The following STK32A variants were observed in gnomAD, a reference collection of about 807,000 sequenced individuals.
STK32A encodes the protein serine/threonine kinase 32A, also known as serine/threonine-protein kinase 32A.
In STK32A, 41 loss-of-function variants were observed where a neutral mutation model predicts 53.2. The ratio of observed to expected loss-of-function variants is 0.77; its 90% CI spans 0.60 to 1.00. The LOEUF is 1.00. Ranked by LOEUF, STK32A falls within the 50% of genes least tolerant of loss-of-function variation. The pLI is 0.00. For synonymous variants in STK32A, 166 were observed against 162.8 expected (o/e 1.02, Z -0.15); for missense variants, 458 against 485.8 (o/e 0.94, Z 0.54).
At chr5:147,254,905 A>C (rs374957787) in intron 2 of STK32A, among the ~76,000 whole-genome samples, 10 of 152,194 alleles carry the variant, frequency 6.6e-5, no homozygotes, top group East Asian at 1.9e-4. Flanking sequence ...TTTGGGAGGC[A>C]GAGGTGGGCG....
At chr5:147,382,205 T>C (rs1757479228) in intron 11 of STK32A, among the ~76,000 whole-genome samples, 1 of 152,222 alleles carries the variant, frequency 6.6e-6, no homozygotes, top group Non-Finnish European at 1.5e-5. Flanking sequence ...CCTGCTCAAT[T>C]TTGCCGTTGA....
intron 4 of STK32A, among the ~76,000 whole-genome samples, chr5:147,321,183 G>A (rs1754296727): frequency 6.6e-6 from 1 of 152,200 alleles, no homozygotes; most frequent in Admixed American, 6.5e-5. Context: ...TAACAAATAA[G>A]TAAGCCATGA....
At chr5:147,315,595 A>ATT (rs1753954514) in intron 4 of STK32A, among the ~76,000 whole-genome samples, 1 of 152,234 alleles carries the variant, frequency 6.6e-6, no homozygotes, top group Admixed American at 6.5e-5. Flanking sequence ...AGTTATTATT[A>ATT]AATGGGTATA....
chr5:147,243,673 G>A (rs1232607637), intron 2 of STK32A, among the ~76,000 whole-genome samples: 2 of 147,360 alleles, frequency 1.4e-5, no homozygotes, highest in Non-Finnish European at 3.0e-5. Flanking sequence ...CCTGGGAGGT[G>A]AAGTTTGCAG....
At chr5:147,311,337 T>C (rs1206341407) in intron 4 of STK32A, among the ~76,000 whole-genome samples, 1 of 152,192 alleles carries the variant, frequency 6.6e-6, no homozygotes, top group Admixed American at 6.5e-5. Context: ...AGTCCTTTAT[T>C]CTCAGCACCT....
chr5:147,295,600 GTTTCC>G (rs1752831064), intron 4 of STK32A, among the ~76,000 whole-genome samples: 1 of 152,174 alleles, frequency 6.6e-6, no homozygotes, highest in South Asian at 2.1e-4. Flanking sequence ...ATATTTAAGT[GTTTCC>G]TTTCTCTTTT....
At chr5:147,270,175 T>C (rs72823814) in intron 2 of STK32A, among the ~76,000 whole-genome samples, 1 of 152,102 alleles carries the variant, frequency 6.6e-6, no homozygotes, top group East Asian at 1.9e-4. Context: ...CAAGAAAAGA[T>C]TGATACATTT....
chr5:147,345,702 C>T (rs1755651759), intron 6 of STK32A, among the ~76,000 whole-genome samples: 1 of 151,980 alleles, frequency 6.6e-6, no homozygotes, highest in African/African-American at 2.4e-5. Context: ...ACATTTTATT[C>T]TTGGTGGAGC....
chr5:147,370,328 A>C (rs1450164676), intron 8 of STK32A, among the ~76,000 whole-genome samples: 2 of 152,192 alleles, frequency 1.3e-5, no homozygotes, highest in Admixed American at 1.3e-4. Context: ...ATACTTATAT[A>C]ATACCTTATA....
intron 2 of STK32A, among the ~76,000 whole-genome samples, chr5:147,250,276 G>A (rs545783913): frequency 2.3e-4 from 35 of 152,252 alleles, no homozygotes; most frequent in African/African-American, 8.2e-4. Context: ...AGCTGGAGTA[G>A]AGTATCCAGC....
intron 2 of STK32A, among the ~76,000 whole-genome samples, chr5:147,255,716 C>T (rs948851710): frequency 9.9e-5 from 15 of 152,186 alleles, no homozygotes; most frequent in Admixed American, 1.3e-4. Flanking sequence ...AGCCATCTGG[C>T]TAGTAGCCCC....
At position 147,386,812 on chromosome 5, in the gene STK32A, C is replaced by G. The variant is rs1005462944; in HGVS notation, c.*2829C>G. 6.6e-6 allele frequency: 1 copy of G among 152,252 alleles called. No homozygotes were observed. The highest frequency in any genetic ancestry group is 1.5e-5 in the Non-Finnish European group (1 of 68,052). 9.4% of individuals were successfully genotyped at this position (152,252 alleles called of 1,614,324 possible). A position where few individuals can be genotyped will look rare whatever the true frequency, so the allele number is the denominator to read the frequency against. ...TGCTGATTGTAATCACCTCCCACCA[C>G]TGTGCATTTTAAACATGAGAACAAA... is the stretch of plus-strand genomic sequence containing the variant. On this transcript the variant is annotated 3_prime_UTR_variant, in exon 13 of 13. Coordinates refer to ENST00000397936, the MANE Select transcript of STK32A (RefSeq NM_001112724.2).
intron 4 of STK32A, among the ~76,000 whole-genome samples, chr5:147,309,233 A>T (rs551034879): frequency 1.3e-5 from 2 of 152,102 alleles, no homozygotes; most frequent in Non-Finnish European, 1.5e-5. Context: ...TGAAGTCTGT[A>T]TGTGTGTGAG....
At chr5:147,340,948 T>A (rs1237168776) in intron 5 of STK32A, among the ~76,000 whole-genome samples, 2 of 152,196 alleles carry the variant, frequency 1.3e-5, no homozygotes, top group Non-Finnish European at 2.9e-5. Context: ...AACTAATTGT[T>A]CCCTCTCTGA....
chr5:147,235,280 GGAGAA>G (rs1753263654), intron 1 of STK32A, 81 bp downstream of exon 1: 1 of 152,394 alleles, frequency 6.6e-6, no homozygotes, highest in Non-Finnish European at 1.5e-5. Context: ...GGAAGTGCAA[GGAGAA>G]GAGAAGACAA....
In STK32A at chr5:147,337,479, T is replaced by C. The variant is rs1695168226; in HGVS notation, c.435-5527T>C. 2.0e-5 allele frequency among the ~76,000 whole-genome samples: 3 copies of C among 152,072 alleles called. No homozygotes were observed. The South Asian group carries it at 6.2e-4, about 32-fold the overall frequency. ...GGGTTGTTTTGGGGGTGGGGATTGG[T>C]TGTTTTGCTTTGTTTTGTTTTCTCT... is the stretch of plus-strand genomic sequence containing the variant. On this transcript the variant is annotated intron_variant, in intron 5 of 12. Coordinates refer to ENST00000397936, the MANE Select transcript of STK32A (RefSeq NM_001112724.2).
At chr5:147,343,391 A>G (rs1755535005) in intron 6 of STK32A, 2 of 372,732 alleles carry the variant, frequency 5.4e-6, no homozygotes, top group African/African-American at 4.2e-5. Flanking sequence ...AGAAGGCCTC[A>G]AGCTGAGAGC....
the STK32A span, chr5:147,401,699 A>G: frequency 6.2e-7 from 1 of 1,613,952 alleles, no homozygotes; most frequent in Admixed American, 1.7e-5. Flanking sequence ...TACATTTCCT[A>G]GAAGGGGCAG....
At chr5:147,281,513 G>A (rs1752062795) in intron 4 of STK32A, among the ~76,000 whole-genome samples, 1 of 152,056 alleles carries the variant, frequency 6.6e-6, no homozygotes, top group Non-Finnish European at 1.5e-5. Context: ...GAAATTCAGA[G>A]CTCGAAGACA....
Sources: allele counts gnomAD v4.1 joint callset (sites outside exome capture counted in the v4.1 genomes callset), GRCh38; gene constraint gnomAD v4.1.1; transcripts MANE v1.5; gene names NCBI Gene and HGNC (gene_info 2026-07-23, HGNC 2026-07-21).